The following MYOM1 variants were observed in gnomAD, a reference collection of about 807,000 sequenced individuals.
MYOM1 encodes the protein myomesin 1, also known as myomesin-1.
In MYOM1, 164 loss-of-function variants were observed where a neutral mutation model predicts 205.3. The ratio of observed to expected loss-of-function variants is 0.80; its 90% CI spans 0.70 to 0.91. MYOM1 has a LOEUF of 0.91. Among genes scored for constraint, MYOM1 ranks in the 40% least tolerant of loss-of-function variants. The probability of loss-of-function intolerance (pLI) is 0.00; values close to 1 mark genes in which losing one functional copy is unlikely to be tolerated. For synonymous variants in MYOM1, 772 were observed against 789.4 expected, an observed-to-expected ratio of 0.98 and a Z score of 0.37; for missense variants, 2,011 against 2,127.3, an observed-to-expected ratio of 0.95 and a Z score of 1.08.
chr18:3,194,593 G>T (rs6417012), intron 2 of MYOM1, among the ~76,000 whole-genome samples: 82,545 of 152,072 alleles, frequency 0.54, 23,624 homozygotes, highest in African/African-American at 0.74. Flanking sequence ...TTGGAGGCAG[G>T]TAGTGTTCTA....
intron 14 of MYOM1, among the ~76,000 whole-genome samples, chr18:3,136,989 C>T (rs570549634): frequency 1.1e-4 from 16 of 149,284 alleles, no homozygotes; most frequent in East Asian, 4.0e-4. Context: ...CTCGCTGGGT[C>T]GCCCAGGCTG....
the MYOM1 span, among the ~76,000 whole-genome samples, chr18:3,239,756 C>CAAAAAAAAAA: frequency 2.4e-5 from 1 of 42,180 alleles, no homozygotes; most frequent in Non-Finnish European, 4.4e-5. Context: ...CACCTTGTCT[C>CAAAAAAAAAA]AAAAAAAAAA....
At position 3,149,140 on chromosome 18, in the gene MYOM1, C is replaced by A; in HGVS notation, c.1900+5G>T. 1 of 1,613,624 alleles carries A rather than the reference C, an allele frequency of 6.2e-7. No individual in the cohort carries two copies. Among genetic ancestry groups the A allele is most frequent in the Non-Finnish European group, 8.5e-7 (1 of 1,179,730 alleles). ...AATAGTATCTGGGGCAACCAGACTT[C>A]TTACCTGAAGGTTCCTCTTCAGTAA... On this transcript the variant is annotated splice_donor_5th_base_variant and intron_variant, in intron 13 of 37. Coordinates refer to ENST00000356443, the MANE Select transcript of MYOM1 (RefSeq NM_003803.4).
At chr18:3,236,711 T>TA in the MYOM1 span, among the ~76,000 whole-genome samples, 5 of 152,150 alleles carry the variant, frequency 3.3e-5, no homozygotes, top group Admixed American at 6.5e-5. Flanking sequence ...GGAGTAAAGG[T>TA]CACAGGTCTT....
chr18:3,141,335 C>A (rs1598715730), intron 14 of MYOM1, among the ~76,000 whole-genome samples: 2 of 152,328 alleles, frequency 1.3e-5, no homozygotes, highest in East Asian at 3.9e-4. Context: ...ATGCTGTCCT[C>A]TCTAATGTTC....
At position 3,176,649 on chromosome 18, in the gene MYOM1, G is replaced by A. The variant is rs183429772; in HGVS notation, c.930-515C>T. 2.7e-3 allele frequency among the ~76,000 whole-genome samples: 405 copies of A among 152,262 alleles called. 3 individuals are homozygous for A. Among genetic ancestry groups the A allele is most frequent in the Non-Finnish European group, 3.0e-3 (202 of 68,018 alleles). On this transcript the variant is annotated intron_variant, in intron 5 of 37. Coordinates refer to ENST00000356443, the MANE Select transcript of MYOM1 (RefSeq NM_003803.4). ...AAGTGTGCAGTCTTTGGGAAGCCGA[G>A]GCGGGCAAATCACTTGAGGTCAGGA...
intron 10 of MYOM1, among the ~76,000 whole-genome samples, chr18:3,159,961 G>T (rs1282327856): frequency 8.1e-6 from 1 of 124,142 alleles, no homozygotes; most frequent in Non-Finnish European, 1.6e-5. Flanking sequence ...TTCCTTCCCT[G>T]CCTGCCTTCC....
Position 3,135,274 on chromosome 18 carries a change from A to C in MYOM1, c.2209+273T>G, listed in dbSNP as rs1448704054. 4 of 332,970 alleles carry C rather than the reference A, an allele frequency of 1.2e-5. No homozygotes were observed. The highest frequency in any genetic ancestry group is 6.4e-5 in the African/African-American group (3 of 47,022). 20.6% of individuals were successfully genotyped at this position (332,970 alleles called of 1,614,324 possible). ...CTACATTGTATTTTTTAAAGCAAAA[A>C]ATTTTAAAACAGTTAGGGAGCATGG... On this transcript the variant is annotated intron_variant, in intron 15 of 37. Coordinates refer to ENST00000356443, the MANE Select transcript of MYOM1 (RefSeq NM_003803.4). This position sits in a 1 kb window ranked among gnomAD's most constrained non-coding sequence, Gnocchi z 4.1.
intron 2 of MYOM1, among the ~76,000 whole-genome samples, chr18:3,206,751 C>T (rs973746405): frequency 1.3e-5 from 2 of 152,070 alleles, no homozygotes; most frequent in African/African-American, 2.4e-5. Flanking sequence ...CATCAAAGTT[C>T]GCGGACAAGT....
chr18:3,146,496 T>A (rs2080124905), intron 13 of MYOM1, among the ~76,000 whole-genome samples: 8 of 152,104 alleles, frequency 5.3e-5, no homozygotes, highest in Admixed American at 4.6e-4. Flanking sequence ...TAATTCAACA[T>A]GTTAATGGAA....
At chr18:3,109,136 C>G (rs6506064) in intron 22 of MYOM1, among the ~76,000 whole-genome samples, 26,833 of 151,744 alleles carry the variant, frequency 0.18, 2,445 homozygotes, top group East Asian at 0.2. Context: ...GCCCGCCACA[C>G]GCCCAGCTAA....
rs149462545 is a variant in MYOM1 at position 3,176,881 on chromosome 18, C to T, written c.930-747G>A. Among the ~76,000 whole-genome samples the T allele has an allele frequency of 9.1e-4, 127 of 139,482 alleles. 1 individual carries two copies. The highest frequency in any genetic ancestry group is 3.2e-3 in the African/African-American group (119 of 36,642). The allele number at this position is 139,482 out of a possible 152,430, so 91.5% of individuals were successfully genotyped here. A position where few individuals can be genotyped will look rare whatever the true frequency, so the allele number is the denominator to read the frequency against. ...TGGGCGACGGAGTGAGACTCCATCT[C>T]GAAAAAAAAAAATTTGCAGTATATA... On this transcript the variant is annotated intron_variant, in intron 5 of 37. Transcript: ENST00000356443.
At chr18:3,102,323 G>T in intron 23 of MYOM1, 151 bp downstream of exon 23, 1 of 874,982 alleles carries the variant, frequency 1.1e-6, no homozygotes, top group South Asian at 2.3e-5. Context: ...TATTTTTAAG[G>T]TTTAAGTTGG....
chr18:3,230,437 G>C, the MYOM1 span, among the ~76,000 whole-genome samples: 2 of 152,254 alleles, frequency 1.3e-5, no homozygotes, highest in Non-Finnish European at 2.9e-5. Context: ...CTGAGTGACA[G>C]ATGAAAAATT....
intron 2 of MYOM1, among the ~76,000 whole-genome samples, chr18:3,214,366 A>G (rs987494038): frequency 1.3e-5 from 2 of 152,160 alleles, no homozygotes; most frequent in Non-Finnish European, 2.9e-5. Flanking sequence ...TGCTCTTAGA[A>G]ATAGCAAATT....
At chr18:3,095,156 A>G (rs1048819097) in intron 25 of MYOM1, among the ~76,000 whole-genome samples, 2 of 152,130 alleles carry the variant, frequency 1.3e-5, no homozygotes, top group South Asian at 2.1e-4. Flanking sequence ...GATGTCATCT[A>G]TTGAGGGGGT....
At chr18:3,133,541 C>T (rs1419087639) in intron 16 of MYOM1, among the ~76,000 whole-genome samples, 1 of 152,188 alleles carries the variant, frequency 6.6e-6, no homozygotes, top group African/African-American at 2.4e-5. Flanking sequence ...GTCTGCTTAG[C>T]ACTGGGTTTA....
intron 30 of MYOM1, among the ~76,000 whole-genome samples, chr18:3,085,778 A>G (rs1199834720): frequency 6.6e-6 from 1 of 152,206 alleles, no homozygotes; most frequent in East Asian, 1.9e-4. Context: ...CAAATGAAGA[A>G]TGATCCACTT....
chr18:3,124,303 C>CTTTT lies in MYOM1; in HGVS notation c.2991+2394_2991+2397dup, dbSNP rs34118507. Among the ~76,000 whole-genome samples, 144 of 130,874 alleles carry CTTTT rather than the reference C, an allele frequency of 1.1e-3. 4 individuals carry two copies. Among genetic ancestry groups the CTTTT allele is most frequent in the East Asian group, 2.4e-3 (11 of 4,556 alleles). 85.9% of individuals were successfully genotyped at this position (130,874 alleles called of 152,430 possible). On this transcript the variant is annotated intron_variant, in intron 19 of 37. Transcript: ENST00000356443. ...GGCAGACGACAAACTTTTCTTTTTT[C>CTTTT]TTTTTTTTTTTTTTTGAGATGGAGT...
Sources: gnomAD v4.1 joint callset for allele counts (sites outside exome capture counted in the v4.1 genomes callset) on GRCh38, gnomAD v4.1.1 for gene constraint, Gnocchi (gnomAD v3.1) non-coding constraint, MANE v1.5 for transcripts, NCBI Gene and HGNC (gene_info 2026-07-23, HGNC 2026-07-21) for gene names.